Variants in NRXN1 observed in about 807,000 individuals in gnomAD.
NRXN1 encodes neurexin 1, also known as neurexin-1.
A neutral mutation model predicts 150.9 loss-of-function variants in NRXN1; 39 were observed. The ratio of observed to expected loss-of-function variants is 0.26; its 90% CI spans 0.20 to 0.34. The LOEUF (loss-of-function observed/expected upper bound fraction) is 0.34, where lower values mean the gene tolerates loss of function less well. NRXN1 is among the 10% of genes least tolerant of loss of function. NRXN1 has a pLI of 1.00. For missense variants in NRXN1, 1,815 were observed against 1,949.9 expected (o/e 0.93, Z 1.30); for synonymous variants, 924 against 757.0 (o/e 1.22, Z -3.62).
chr2:50,123,779 A>G (rs1183409377), intron 18 of NRXN1, among the ~76,000 whole-genome samples: 1 of 152,182 alleles, frequency 6.6e-6, no homozygotes, highest in Non-Finnish European at 1.5e-5. Context: ...CTTGAACTCA[A>G]GATGATTTCA....
intron 5 of NRXN1, among the ~76,000 whole-genome samples, chr2:50,667,749 CTG>C (rs1688280100): frequency 6.6e-6 from 1 of 151,874 alleles, no homozygotes; most frequent in Non-Finnish European, 1.5e-5. Flanking sequence ...CTATATGTTT[CTG>C]TTTTTACCCC....
At chr2:50,442,132 C>G (rs886074935) in intron 17 of NRXN1, among the ~76,000 whole-genome samples, 14 of 152,106 alleles carry the variant, frequency 9.2e-5, no homozygotes, top group Non-Finnish European at 2.1e-4. Flanking sequence ...TTCATGGGCT[C>G]AAATCTCAGC....
At chr2:50,459,558 T>C (rs1315622525) in intron 17 of NRXN1, among the ~76,000 whole-genome samples, 1 of 152,136 alleles carries the variant, frequency 6.6e-6, no homozygotes, top group Non-Finnish European at 1.5e-5. Context: ...TGGGAACATG[T>C]GGTATTTGGT....
At chr2:49,925,521 T>A (rs988768713) in intron 22 of NRXN1, among the ~76,000 whole-genome samples, 36 of 152,212 alleles carry the variant, frequency 2.4e-4, no homozygotes, top group African/African-American at 8.4e-4. Flanking sequence ...TTTTATATAA[T>A]TTGTTCAAAA....
chr2:50,008,537 C>A (rs948664952), intron 21 of NRXN1, among the ~76,000 whole-genome samples: 1 of 148,738 alleles, frequency 6.7e-6, no homozygotes, highest in Non-Finnish European at 1.5e-5. Flanking sequence ...GATCTCGGCT[C>A]ACTGTGAGCT....
chr2:50,974,844 T>G (rs576340628), intron 2 of NRXN1, among the ~76,000 whole-genome samples: 17 of 152,138 alleles, frequency 1.1e-4, no homozygotes, highest in Non-Finnish European at 2.2e-4. Context: ...CCACGACTCA[T>G]AATTAAATTT....
chr2:49,999,289 T>C (rs1383881618), intron 21 of NRXN1, among the ~76,000 whole-genome samples: 5 of 152,142 alleles, frequency 3.3e-5, no homozygotes, highest in African/African-American at 7.2e-5. Context: ...AAATATGCTA[T>C]CTCCAAAATG....
intron 5 of NRXN1, among the ~76,000 whole-genome samples, chr2:50,822,062 T>C (rs143110580): frequency 0.016 from 2,433 of 152,270 alleles, 32 homozygotes; most frequent in Non-Finnish European, 0.025. Context: ...TTGGTCTTCA[T>C]TGTATTTAAG....
intron 17 of NRXN1, among the ~76,000 whole-genome samples, chr2:50,352,418 T>C (rs1380210676): frequency 6.6e-6 from 1 of 152,120 alleles, no homozygotes; most frequent in African/African-American, 2.4e-5. Flanking sequence ...AAGCTCAGTA[T>C]TAAGCTTTTT....
chr2:50,879,960 A>C (rs1679184027), intron 5 of NRXN1, among the ~76,000 whole-genome samples: 1 of 151,918 alleles, frequency 6.6e-6, no homozygotes, highest in African/African-American at 2.4e-5. Flanking sequence ...GGAAGAAATA[A>C]GTATACATTT....
chr2:50,497,970 T>G (rs955064640), intron 13 of NRXN1, among the ~76,000 whole-genome samples: 2 of 152,120 alleles, frequency 1.3e-5, no homozygotes, highest in Admixed American at 6.5e-5. Context: ...AAAGTAATGG[T>G]ATCTTTTAAA....
At chr2:50,922,013 G>T in intron 4 of NRXN1, 133 bp from the exon 5 acceptor site, 1 of 461,400 alleles carries the variant, frequency 2.2e-6, no homozygotes, top group Admixed American at 4.0e-5. Context: ...AGACATGAAA[G>T]TATAAACAAG....
intron 21 of NRXN1, among the ~76,000 whole-genome samples, chr2:50,002,440 G>T (rs1485186026): frequency 6.6e-6 from 1 of 152,020 alleles, no homozygotes; most frequent in East Asian, 1.9e-4. Flanking sequence ...TTCTCCTATA[G>T]GCCCTATTTT....
chr2:50,491,066 C>T (rs774636186), intron 15 of NRXN1, among the ~76,000 whole-genome samples: 2 of 152,166 alleles, frequency 1.3e-5, no homozygotes, highest in Non-Finnish European at 2.9e-5. Context: ...TAACGTTAAG[C>T]TCAACATCAC....
intron 18 of NRXN1, among the ~76,000 whole-genome samples, chr2:50,110,746 G>T (rs1210289879): frequency 6.6e-6 from 1 of 151,954 alleles, no homozygotes; most frequent in African/African-American, 2.4e-5. Context: ...TTACCAAATA[G>T]AATTCAACAA....
intron 17 of NRXN1, among the ~76,000 whole-genome samples, chr2:50,410,240 CTT>C (rs2083050777): frequency 6.6e-6 from 1 of 152,132 alleles, no homozygotes; most frequent in Non-Finnish European, 1.5e-5. Flanking sequence ...TTTGCCAACA[CTT>C]AATACAATTT....
chr2:50,503,970 G>A (rs1332862219), intron 13 of NRXN1, among the ~76,000 whole-genome samples: 3 of 151,902 alleles, frequency 2.0e-5, no homozygotes, highest in East Asian at 3.9e-4. Flanking sequence ...ACCCAAGAAT[G>A]TAAAATATAC....
At position 50,230,593 on chromosome 2, in the gene NRXN1, G is replaced by GT. The variant is rs1481387647; in HGVS notation, c.3546+6195dup. On this transcript the variant is annotated intron_variant, in intron 18 of 22. Coordinates refer to ENST00000401669, the MANE Select transcript of NRXN1 (RefSeq NM_001330078.2). ...AGGCAGCAGTACAAGCCTCTAAGTG[G>GT]TAAGTATGTGAACCGAGAAGAAGCT... Among the ~76,000 whole-genome samples the GT allele has an allele frequency of 5.9e-5, 9 of 152,128 alleles. No individual in the cohort carries two copies. In the East Asian group the frequency reaches 1.6e-3, roughly 26 times the overall value.
intron 5 of NRXN1, among the ~76,000 whole-genome samples, chr2:50,827,606 T>G (rs1242674170): frequency 1.3e-5 from 2 of 152,226 alleles, no homozygotes; most frequent in Non-Finnish European, 2.9e-5. Flanking sequence ...TTTTATTTAT[T>G]TATTTATTTA....
Sources: gnomAD v4.1 joint callset for allele counts (sites outside exome capture counted in the v4.1 genomes callset) on GRCh38, gnomAD v4.1.1 for gene constraint, MANE v1.5 for transcripts, NCBI Gene and HGNC (gene_info 2026-07-23, HGNC 2026-07-21) for gene names.